The following NR4A1 variants were observed in gnomAD, a reference collection of about 807,000 sequenced individuals.
NR4A1 encodes the protein nuclear receptor subfamily 4 group A member 1, also known as nuclear receptor subfamily 4immunitygroup A member 1.
NR4A1 carries 24 observed loss-of-function variants against 47.5 expected under a neutral mutation model. The observed-to-expected ratio is 0.50, with a 90% CI of 0.37 to 0.71. The LOEUF (loss-of-function observed/expected upper bound fraction) is 0.71, where lower values mean the gene tolerates loss of function less well. Among genes scored for constraint, NR4A1 ranks in the 30% least tolerant of loss-of-function variants. NR4A1 has a pLI of 0.00. For synonymous variants in NR4A1, 353 were observed against 345.7 expected (o/e 1.02, Z -0.24); for missense variants, 669 against 788.6 (o/e 0.85, Z 1.82).
chr12:52,057,514 C>T lies in NR4A1; in HGVS notation c.1524C>T (p.Ala508=), dbSNP rs759666025. The change falls in exon 6 of 7, where the codon GCC becomes GCT. Residue 508 remains alanine, a synonymous_variant. Transcript: ENST00000394825. ...VDVPAFACLS[A]LVLITDRHGL... is the part of the protein sequence containing the mutation. ...TCCCTGCCTTCGCCTGCCTCTCTGC[C>T]CTTGTCCTCATCACCGGTGAGTGAC... The T allele has an allele frequency of 6.2e-7, 1 of 1,614,074 alleles. No individual in the cohort carries two copies. Among genetic ancestry groups the T allele is most frequent in the South Asian group, 1.1e-5 (1 of 91,078 alleles).
chr12:52,023,281 A>G (rs1376258395), intron 1 of NR4A1, among the ~76,000 whole-genome samples: 1 of 149,908 alleles, frequency 6.7e-6, no homozygotes, highest in Non-Finnish European at 1.5e-5. Flanking sequence ...TCCGCCGGGC[A>G]CCGCCCTCCC....
chr12:52,058,661 A>G (rs1050217552), intron 6 of NR4A1, 27 bp from the exon 7 acceptor site: 5 of 1,536,584 alleles, frequency 3.3e-6, no homozygotes, highest in Admixed American at 3.9e-5. Flanking sequence ...TCTCAGATGT[A>G]CAGCTAATCC....
intron 1 of NR4A1, chr12:52,052,628 C>A (rs149292649): frequency 1.0e-5 from 10 of 985,652 alleles, no homozygotes; most frequent in South Asian, 4.7e-5. Context: ...ACTGCTCCCC[C>A]CTCCTGTGAG....
At chr12:52,047,932 A>G (rs1938721047), upstream of NR4A1, among the ~76,000 whole-genome samples, 1 of 152,134 alleles carries the variant, frequency 6.6e-6, no homozygotes, top group African/African-American at 2.4e-5. Flanking sequence ...AGGCGGGTGG[A>G]TCACGAGGTC....
chr12:52,052,575 C>T, intron 1 of NR4A1: 1 of 985,666 alleles, frequency 1.0e-6, no homozygotes, highest in Non-Finnish European at 1.2e-6. Context: ...GCCGGATTCT[C>T]CCCACTGCCT....
intron 3 of NR4A1, 94 bp from the exon 4 acceptor site, chr12:52,056,400 G>C: frequency 6.6e-7 from 1 of 1,521,226 alleles, no homozygotes; most frequent in South Asian, 1.2e-5. Flanking sequence ...CTAGGGACTC[G>C]GTGGGGCGCG....
intron 1 of NR4A1, 81 bp from the exon 2 acceptor site, chr12:52,054,246 G>A: frequency 8.0e-7 from 1 of 1,248,068 alleles, no homozygotes; most frequent in South Asian, 1.5e-5. Context: ...TGCTGCTCTG[G>A]GGCCCAAATA....
intron 1 of NR4A1, among the ~76,000 whole-genome samples, chr12:52,033,213 G>A (rs577556157): frequency 6.6e-6 from 1 of 152,174 alleles, no homozygotes; most frequent in Non-Finnish European, 1.5e-5. Flanking sequence ...CGCAGCTGGG[G>A]CTCGGCCCTG....
At chr12:52,038,764 G>T (rs1938332702) in intron 1 of NR4A1, 1 of 764,290 alleles carries the variant, frequency 1.3e-6, no homozygotes, top group Non-Finnish European at 2.4e-6. Context: ...CTGGGCAGAA[G>T]GATGGGCCGA....
intron 1 of NR4A1, among the ~76,000 whole-genome samples, chr12:52,031,778 A>G (rs1271226838): frequency 7.9e-6 from 1 of 125,876 alleles, no homozygotes. Context: ...GTGATGGTTA[A>G]TTTTTTTTTT....
intron 2 of NR4A1, among the ~76,000 whole-genome samples, chr12:52,044,986 G>C (rs1412774565): frequency 6.6e-6 from 1 of 151,724 alleles, no homozygotes; most frequent in African/African-American, 2.4e-5. Context: ...GGGAGGGAGG[G>C]AGGGGTAGAG....
chr12:52,045,713 T>C, intron 2 of NR4A1: 1 of 316,706 alleles, frequency 3.2e-6, no homozygotes, highest in Non-Finnish European at 6.5e-6. Flanking sequence ...TCGCCCCTGC[T>C]GAGAGCTGAG....
At chr12:52,053,470 T>C (rs1227254344) in intron 1 of NR4A1, 2 of 151,534 alleles carry the variant, frequency 1.3e-5, no homozygotes, top group Non-Finnish European at 2.9e-5. Context: ...TTTTAGGTAC[T>C]GTTGTCCATT....
At chr12:52,025,739 G>A (rs1235513011) in intron 1 of NR4A1, among the ~76,000 whole-genome samples, 2 of 152,222 alleles carry the variant, frequency 1.3e-5, no homozygotes, top group Non-Finnish European at 2.9e-5. Flanking sequence ...AAGAGGGCCT[G>A]GCACATAGCC....
intron 1 of NR4A1, among the ~76,000 whole-genome samples, chr12:52,039,972 A>G (rs138376559): frequency 1.2e-4 from 18 of 152,292 alleles, no homozygotes; most frequent in African/African-American, 4.3e-4. Context: ...GGTGGGGAGC[A>G]GGAGCTGGGG....
intron 1 of NR4A1, among the ~76,000 whole-genome samples, chr12:52,027,666 C>T (rs1938026553): frequency 6.6e-6 from 1 of 152,216 alleles, no homozygotes; most frequent in South Asian, 2.1e-4. Context: ...CTGCAGGTGT[C>T]ATTCCAGGGC....
chr12:52,048,780 C>T (rs1326102672), upstream of NR4A1, among the ~76,000 whole-genome samples: 2 of 151,974 alleles, frequency 1.3e-5, no homozygotes, highest in African/African-American at 2.4e-5. Context: ...GACTCCTAAT[C>T]TGCAAAATGG....
chr12:52,040,223 G>C (rs1295865450), intron 1 of NR4A1, among the ~76,000 whole-genome samples: 1 of 152,140 alleles, frequency 6.6e-6, no homozygotes, highest in Non-Finnish European at 1.5e-5. Flanking sequence ...CTATTGAGGG[G>C]GGCATTTTGA....
At chr12:52,055,748 A>G (rs1939228306) in intron 2 of NR4A1, 1 of 301,748 alleles carries the variant, frequency 3.3e-6, no homozygotes, top group Non-Finnish European at 6.1e-6. Flanking sequence ...GGCCCATGAA[A>G]AAATACAGGT....
Sources: gnomAD v4.1 joint callset for allele counts (sites outside exome capture counted in the v4.1 genomes callset) on GRCh38, gnomAD v4.1.1 for gene constraint, MANE v1.5 for transcripts, NCBI Gene and HGNC (gene_info 2026-07-23, HGNC 2026-07-21) for gene names.